NRXN1: variants seen among roughly 807,000 people sequenced by gnomAD.
The protein encoded by NRXN1 is neurexin-1.
NRXN1 carries 39 observed loss-of-function variants against 150.9 expected under a neutral mutation model. That is an observed-to-expected ratio of 0.26 (90% CI 0.20 to 0.34). NRXN1 has a LOEUF of 0.34. Ranked by LOEUF, NRXN1 falls within the 10% of genes least tolerant of loss-of-function variation. The probability of loss-of-function intolerance (pLI) is 1.00; values close to 1 mark genes in which losing one functional copy is unlikely to be tolerated. For synonymous variants in NRXN1, 924 were observed against 757.0 expected, an observed-to-expected ratio of 1.22 and a Z score of -3.62; for missense variants, 1,815 against 1,949.9, an observed-to-expected ratio of 0.93 and a Z score of 1.30.
intron 17 of NRXN1, among the ~76,000 whole-genome samples, chr2:50,392,073 CTCTTGAACTACTA>C (rs1023977514): frequency 3.3e-5 from 5 of 152,180 alleles, no homozygotes; most frequent in African/African-American, 1.2e-4. Flanking sequence ...AGGTGTCCCT[CTCTTGAACTACTA>C]TCTGTTCATC....
chr2:49,941,358 G>T (rs146659717), intron 22 of NRXN1, among the ~76,000 whole-genome samples: 10 of 150,586 alleles, frequency 6.6e-5, no homozygotes, highest in African/African-American at 2.2e-4. Context: ...ATGGCAAAAG[G>T]GTTACCCCAT....
intron 8 of NRXN1, among the ~76,000 whole-genome samples, chr2:50,569,294 T>C (rs999567183): frequency 1.3e-5 from 2 of 152,054 alleles, no homozygotes; most frequent in African/African-American, 2.4e-5. Flanking sequence ...AAGAGTGTAA[T>C]TGGATTATCT....
chr2:50,063,547 G>GACACACACACACACAC lies in NRXN1; in HGVS notation c.3719-8519_3719-8504dup, dbSNP rs3046664. Among the ~76,000 whole-genome samples the GACACACACACACACAC allele has an allele frequency of 2.7e-3, 365 of 137,586 alleles. 8 individuals carry two copies. Among genetic ancestry groups the GACACACACACACACAC allele is most frequent in the African/African-American group, 9.4e-3 (347 of 36,916 alleles). The allele number at this position is 137,586 out of a possible 152,430, so 90.3% of individuals were successfully genotyped here. Reference sequence around the variant, plus strand: ...CTCAACATCTCTGCCCACCTCAACAGACACACACACACACACACACACACA... The same window carrying GACACACACACACACAC: ...CTCAACATCTCTGCCCACCTCAACAGACACACACACACACACACACACACACACACACACACACACA... On this transcript the variant is annotated intron_variant, in intron 19 of 22. Coordinates refer to ENST00000401669, the MANE Select transcript of NRXN1 (RefSeq NM_001330078.2).
chr2:50,530,987 C>G (rs561941699), intron 11 of NRXN1, among the ~76,000 whole-genome samples: 48 of 152,200 alleles, frequency 3.2e-4, no homozygotes, highest in Non-Finnish European at 2.9e-5. Flanking sequence ...ACAGACATGG[C>G]CTCTCTTTTA....
intron 2 of NRXN1, among the ~76,000 whole-genome samples, chr2:50,930,038 G>A (rs1177102596): frequency 6.6e-6 from 1 of 152,034 alleles, no homozygotes; most frequent in African/African-American, 2.4e-5. Context: ...GGAAAGAAAT[G>A]GTCCTGGACA....
intron 5 of NRXN1, among the ~76,000 whole-genome samples, chr2:50,699,263 G>T (rs1024603779): frequency 2.0e-5 from 3 of 152,014 alleles, no homozygotes; most frequent in Admixed American, 2.0e-4. Context: ...ATAACTTTTG[G>T]GATTCACCAC....
intron 2 of NRXN1, among the ~76,000 whole-genome samples, chr2:50,972,083 T>G (rs1273418929): frequency 1.1e-5 from 1 of 92,678 alleles, no homozygotes; most frequent in East Asian, 3.7e-4. Context: ...ATTTATTTTA[T>G]TCACAAAAAA....
At chr2:50,285,317 CAG>C (rs2071996917) in intron 17 of NRXN1, among the ~76,000 whole-genome samples, 1 of 152,128 alleles carries the variant, frequency 6.6e-6, no homozygotes. Flanking sequence ...CATTCTAGTT[CAG>C]AGTTTGGGAT....
In NRXN1 at chr2:50,155,589, A is replaced by C. The variant is rs1016934422; in HGVS notation, c.3547-64095T>G. ...CCTTCTCTAGAATAAAAAACAATAC[A>C]AGTTTAAAGCTTTAAGATTGGATAG... On this transcript the variant is annotated intron_variant, in intron 18 of 22. Coordinates refer to ENST00000401669, the MANE Select transcript of NRXN1 (RefSeq NM_001330078.2). Among the ~76,000 whole-genome samples, 9 of 151,648 alleles carry C rather than the reference A, an allele frequency of 5.9e-5. No homozygotes were observed. In the South Asian group the frequency reaches 1.7e-3, roughly 28 times the overall value.
chr2:50,086,586 A>G (rs2152691079), intron 19 of NRXN1, among the ~76,000 whole-genome samples: 1 of 152,298 alleles, frequency 6.6e-6, no homozygotes, highest in South Asian at 2.1e-4. Flanking sequence ...CAAACTCGGC[A>G]TTTTGAAAGT....
At chr2:50,655,982 G>A (rs1686397352) in intron 5 of NRXN1, among the ~76,000 whole-genome samples, 1 of 151,976 alleles carries the variant, frequency 6.6e-6, no homozygotes, top group African/African-American at 2.4e-5. Flanking sequence ...AAATGGGAAA[G>A]CATCGACCTC....
intron 17 of NRXN1, among the ~76,000 whole-genome samples, chr2:50,271,052 A>G (rs568879230): frequency 6.6e-6 from 1 of 152,308 alleles, no homozygotes; most frequent in South Asian, 2.1e-4. Flanking sequence ...CATAGTTACA[A>G]TGATATAACA....
At chr2:50,481,556 A>C (rs2090457205) in intron 15 of NRXN1, among the ~76,000 whole-genome samples, 1 of 152,196 alleles carries the variant, frequency 6.6e-6, no homozygotes, top group African/African-American at 2.4e-5. Context: ...TCTCCCACAA[A>C]GAGATAAATC....
chr2:50,621,165 C>A (rs200662852), intron 7 of NRXN1, 61 bp downstream of exon 7: 3 of 1,459,826 alleles, frequency 2.1e-6, no homozygotes, highest in Non-Finnish European at 1.9e-6. Flanking sequence ...AGAAAACACA[C>A]GGCAAACCCA....
At chr2:50,918,348 G>T in intron 5 of NRXN1, 1 of 264,422 alleles carries the variant, frequency 3.8e-6, no homozygotes, top group Non-Finnish European at 7.1e-6. Context: ...TAAGAAAAAT[G>T]TTCTGGAAAT....
At chr2:50,768,338 T>C (rs1363208678) in intron 5 of NRXN1, among the ~76,000 whole-genome samples, 1 of 152,096 alleles carries the variant, frequency 6.6e-6, no homozygotes, top group East Asian at 1.9e-4. Flanking sequence ...AGAAAGCAAC[T>C]TGCTCTATTG....
At position 50,961,981 on chromosome 2, in the gene NRXN1, G is replaced by GA. The variant is rs1222269251; in HGVS notation, c.773-36027dup. On this transcript the variant is annotated intron_variant, in intron 2 of 22. Transcript: ENST00000401669. ...CTGCTAGTTAAAAAAAAAAGAAGAA[G>GA]AAAAATTTAAATAAAAAACTAAAGG... Among the ~76,000 whole-genome samples, 4 of 150,510 alleles carry GA rather than the reference G, an allele frequency of 2.7e-5. 1 individual carries two copies. Among genetic ancestry groups the GA allele is most frequent in the African/African-American group, 9.7e-5 (4 of 41,104 alleles).
At chr2:50,104,920 C>T (rs533518353) in intron 18 of NRXN1, among the ~76,000 whole-genome samples, 1 of 152,146 alleles carries the variant, frequency 6.6e-6, no homozygotes, top group South Asian at 2.1e-4. Context: ...TTTCAGACCT[C>T]CACTCCTTTA....
At chr2:50,891,402 C>A (rs1681044296) in intron 5 of NRXN1, among the ~76,000 whole-genome samples, 1 of 151,982 alleles carries the variant, frequency 6.6e-6, no homozygotes, top group Non-Finnish European at 1.5e-5. Context: ...AACCTTCTTT[C>A]CTTTTTCACT....
Sources: allele counts gnomAD v4.1 joint callset (sites outside exome capture counted in the v4.1 genomes callset), GRCh38; gene constraint gnomAD v4.1.1; transcripts MANE v1.5; gene names NCBI Gene and HGNC (gene_info 2026-07-23, HGNC 2026-07-21).